Variants in NTNG1 observed in about 807,000 individuals in gnomAD.
NTNG1 encodes the protein netrin-G1.
In NTNG1, 16 loss-of-function variants were observed where a neutral mutation model predicts 54.0. That is an observed-to-expected ratio of 0.30 (90% confidence interval 0.20 to 0.45). The LOEUF (loss-of-function observed/expected upper bound fraction) is 0.45, where lower values mean the gene tolerates loss of function less well. NTNG1 is among the 20% of genes least tolerant of loss of function. The probability of loss-of-function intolerance (pLI) is 1.00; values close to 1 mark genes in which losing one functional copy is unlikely to be tolerated. For missense variants in NTNG1, 530 were observed against 678.7 expected, an observed-to-expected ratio of 0.78 and a Z score of 2.43; for synonymous variants, 255 against 263.1, an observed-to-expected ratio of 0.97 and a Z score of 0.30.
chr1:107,408,622 T>A (rs920058293), intron 5 of NTNG1: 9 of 138,824 alleles, frequency 6.5e-5, no homozygotes, highest in East Asian at 2.2e-4. Flanking sequence ...AGCAAAATTT[T>A]AAATTTTTTT....
At chr1:107,186,252 C>T (rs936168462) in intron 2 of NTNG1, among the ~76,000 whole-genome samples, 1 of 152,118 alleles carries the variant, frequency 6.6e-6, no homozygotes, top group South Asian at 2.1e-4. Context: ...CCTCCTTTGC[C>T]ACCCAGTCAT....
intron 7 of NTNG1, among the ~76,000 whole-genome samples, chr1:107,479,662 C>T (rs181587109): frequency 3.9e-5 from 6 of 152,230 alleles, no homozygotes; most frequent in African/African-American, 1.4e-4. Context: ...AGTTAACATT[C>T]TGCTAAATCA....
At chr1:107,140,450 G>T (rs867443904), upstream of NTNG1, among the ~76,000 whole-genome samples, 31 of 152,190 alleles carry the variant, frequency 2.0e-4, 1 homozygote, top group Middle Eastern at 6.8e-3. Flanking sequence ...TCCGGGAGCC[G>T]CAATCCAGAA....
intron 3 of NTNG1, among the ~76,000 whole-genome samples, chr1:107,356,519 C>G (rs1570753402): frequency 1.3e-5 from 2 of 152,066 alleles, no homozygotes; most frequent in African/African-American, 4.8e-5. Context: ...GTGTCGAACT[C>G]CTGGCCTCAA....
At chr1:107,191,031 A>G (rs1164050853) in intron 2 of NTNG1, among the ~76,000 whole-genome samples, 1 of 152,202 alleles carries the variant, frequency 6.6e-6, no homozygotes, top group Non-Finnish European at 1.5e-5. Flanking sequence ...GAACTAGTTT[A>G]CAGTCCCACC....
intron 2 of NTNG1, among the ~76,000 whole-genome samples, chr1:107,291,935 A>T (rs1035498372): frequency 6.6e-6 from 1 of 152,178 alleles, no homozygotes; most frequent in Non-Finnish European, 1.5e-5. Context: ...TAATAAAAGA[A>T]CTCTTTCAAA....
At chr1:107,275,888 A>G (rs930036066) in intron 2 of NTNG1, among the ~76,000 whole-genome samples, 12 of 152,202 alleles carry the variant, frequency 7.9e-5, no homozygotes, top group African/African-American at 2.9e-4. Flanking sequence ...TAACCATCAC[A>G]CCTTCATCAT....
intron 2 of NTNG1, among the ~76,000 whole-genome samples, chr1:107,287,086 G>A (rs1665246995): frequency 1.3e-5 from 2 of 152,032 alleles, no homozygotes; most frequent in African/African-American, 2.4e-5. Flanking sequence ...TTCATATGTA[G>A]TATACCTATT....
At chr1:107,176,217 G>A (rs1360486745) in intron 2 of NTNG1, among the ~76,000 whole-genome samples, 1 of 152,114 alleles carries the variant, frequency 6.6e-6, no homozygotes, top group African/African-American at 2.4e-5. Context: ...AGAGTTAAAT[G>A]TTTTCCCATT....
intron 2 of NTNG1, among the ~76,000 whole-genome samples, chr1:107,156,307 T>A (rs2101039691): frequency 6.6e-6 from 1 of 152,296 alleles, no homozygotes; most frequent in African/African-American, 2.4e-5. Context: ...GATACTGAAA[T>A]CTCTCTCTTT....
intron 5 of NTNG1, among the ~76,000 whole-genome samples, chr1:107,414,026 C>T (rs1674024684): frequency 6.6e-6 from 1 of 152,134 alleles, no homozygotes. Flanking sequence ...TCAGTAAATG[C>T]CATGTGTGAT....
chr1:107,419,066 C>T (rs1189568661), intron 5 of NTNG1, among the ~76,000 whole-genome samples: 1 of 151,970 alleles, frequency 6.6e-6, no homozygotes, highest in African/African-American at 2.4e-5. Context: ...TATTGTGACA[C>T]CTAACAGATC....
intron 2 of NTNG1, among the ~76,000 whole-genome samples, chr1:107,189,350 C>A (rs1047431597): frequency 0.017 from 1,954 of 113,028 alleles, no homozygotes; most frequent in Non-Finnish European, 0.022. Context: ...GACCTTGTCT[C>A]AAAAAAAAAA....
At chr1:107,445,755 G>C (rs902445458) in intron 7 of NTNG1, among the ~76,000 whole-genome samples, 7 of 152,086 alleles carry the variant, frequency 4.6e-5, no homozygotes, top group Non-Finnish European at 8.8e-5. Flanking sequence ...AGGCCATACA[G>C]TCTCTGTCAC....
chr1:107,401,169 C>T (rs552538620), intron 4 of NTNG1, among the ~76,000 whole-genome samples: 1 of 152,230 alleles, frequency 6.6e-6, no homozygotes, highest in South Asian at 2.1e-4. Context: ...GTGCTCATGG[C>T]CAATCGAACC....
chr1:107,199,845 C>A (rs1658605060), intron 2 of NTNG1, among the ~76,000 whole-genome samples: 1 of 5,886 alleles, frequency 1.7e-4, no homozygotes, highest in Non-Finnish European at 6.0e-3. Context: ...CATTGTCATC[C>A]TTAAAAAATA....
intron 3 of NTNG1, among the ~76,000 whole-genome samples, chr1:107,363,065 G>T (rs1386217201): frequency 2.0e-5 from 3 of 152,156 alleles, no homozygotes; most frequent in Admixed American, 2.0e-4. Context: ...GATGGTCAGG[G>T]TTTCATATTG....
At chr1:107,397,936 C>T (rs925573601) in intron 4 of NTNG1, among the ~76,000 whole-genome samples, 1 of 151,968 alleles carries the variant, frequency 6.6e-6, no homozygotes, top group Admixed American at 6.6e-5. Flanking sequence ...TTATGATTCT[C>T]ACTTCATATT....
intron 2 of NTNG1, among the ~76,000 whole-genome samples, chr1:107,271,748 A>C (rs1306138508): frequency 1.3e-5 from 2 of 152,198 alleles, no homozygotes; most frequent in East Asian, 3.8e-4. Context: ...AGGTGAAAAA[A>C]AAATTCTACT....
Sources: gnomAD v4.1 joint callset for allele counts (sites outside exome capture counted in the v4.1 genomes callset) on GRCh38, gnomAD v4.1.1 for gene constraint, MANE v1.5 for transcripts, NCBI Gene and HGNC (gene_info 2026-07-23, HGNC 2026-07-21) for gene names.